The following BRINP1 variants were observed in gnomAD, a reference collection of about 807,000 sequenced individuals.
BRINP1 encodes the protein BMP/retinoic acid inducible neural specific 1, also known as BMP/retinoic acid-inducible neural-specific protein 1.
Under a neutral mutation model 72.9 loss-of-function variants are expected in BRINP1, and 17 were observed. The observed-to-expected ratio is 0.23, with a 90% CI of 0.16 to 0.35. BRINP1 has a LOEUF of 0.35. BRINP1 is among the 10% of genes least tolerant of loss of function. The probability of loss-of-function intolerance (pLI) is 1.00; values close to 1 mark genes in which losing one functional copy is unlikely to be tolerated. For synonymous variants in BRINP1, 418 were observed against 378.5 expected (o/e 1.10, Z -1.21); for missense variants, 850 against 1,001.6 (o/e 0.85, Z 2.04).
chr9:119,354,667 C>T (rs1454808847), intron 1 of BRINP1, among the ~76,000 whole-genome samples: 5 of 151,700 alleles, frequency 3.3e-5, no homozygotes, highest in Non-Finnish European at 7.4e-5. Context: ...CAAGACCAGC[C>T]TGGGCAACAT....
intron 7 of BRINP1, among the ~76,000 whole-genome samples, chr9:119,171,133 A>G (rs921777532): frequency 4.0e-5 from 6 of 150,274 alleles, no homozygotes; most frequent in Non-Finnish European, 8.9e-5. Context: ...ACATAACACT[A>G]TTAACTTTAA....
Position 119,185,860 on chromosome 9 carries a change from G to A in BRINP1, c.1146-17636C>T, listed in dbSNP as rs185896033. The stretch of plus-strand genomic sequence containing the variant: ...CACTCCCGACCCTTTTATTCAACCT[G>A]CTACTGCACTGTGACATTTTGAAAG... On this transcript the variant is annotated intron_variant, in intron 7 of 7. Coordinates refer to ENST00000265922, the MANE Select transcript of BRINP1 (RefSeq NM_014618.3). Among the ~76,000 whole-genome samples the A allele has an allele frequency of 1.6e-3, 251 of 152,296 alleles. 3 individuals carry two copies. The highest frequency in any genetic ancestry group is 2.9e-3 in the Non-Finnish European group (199 of 68,026).
At chr9:119,244,725 A>T (rs1051711379) in intron 3 of BRINP1, among the ~76,000 whole-genome samples, 4 of 152,194 alleles carry the variant, frequency 2.6e-5, no homozygotes, top group African/African-American at 9.6e-5. Context: ...TTGCTGCATT[A>T]TTAAGGCTTA....
chr9:119,218,746 AT>A (rs10685419), intron 5 of BRINP1, among the ~76,000 whole-genome samples: 51,189 of 133,234 alleles, frequency 0.38, 11,130 homozygotes, highest in East Asian at 0.63. Context: ...AAACTCAGGG[AT>A]TTTTTTTTTT....
chr9:119,257,335 A>C (rs1230250080), intron 2 of BRINP1, among the ~76,000 whole-genome samples: 1 of 152,222 alleles, frequency 6.6e-6, no homozygotes, highest in Non-Finnish European at 1.5e-5. Flanking sequence ...CATATAATGA[A>C]GCACTATTCA....
At chr9:119,191,259 A>G (rs1829680755) in intron 7 of BRINP1, among the ~76,000 whole-genome samples, 1 of 151,994 alleles carries the variant, frequency 6.6e-6, no homozygotes, top group African/African-American at 2.4e-5. Flanking sequence ...CTTCTATTCA[A>G]TACAGTACTG....
intron 2 of BRINP1, among the ~76,000 whole-genome samples, chr9:119,312,427 C>G (rs1831077450): frequency 6.6e-6 from 1 of 152,030 alleles, no homozygotes; most frequent in Non-Finnish European, 1.5e-5. Context: ...ACTCTGATTC[C>G]AAATGATTTT....
At chr9:119,295,745 G>A (rs1830869949) in intron 2 of BRINP1, among the ~76,000 whole-genome samples, 1 of 152,150 alleles carries the variant, frequency 6.6e-6, no homozygotes, top group Non-Finnish European at 1.5e-5. Flanking sequence ...GGCATGTATT[G>A]TCAATTCGTC....
intron 1 of BRINP1, among the ~76,000 whole-genome samples, chr9:119,339,612 T>C (rs140142383): frequency 6.6e-6 from 1 of 152,320 alleles, no homozygotes; most frequent in African/African-American, 2.4e-5. Flanking sequence ...ATGGATTTCA[T>C]CACTTATCCC....
chr9:119,239,883 G>C (rs1175667265), intron 4 of BRINP1, among the ~76,000 whole-genome samples: 3 of 152,026 alleles, frequency 2.0e-5, no homozygotes, highest in African/African-American at 7.2e-5. Context: ...TATTGAGAGA[G>C]AGTAAAACTT....
chr9:119,306,288 A>G (rs182400295), intron 2 of BRINP1, among the ~76,000 whole-genome samples: 1 of 152,348 alleles, frequency 6.6e-6, no homozygotes, highest in Non-Finnish European at 1.5e-5. Flanking sequence ...TTGGAAGATC[A>G]ATTTTAAATA....
chr9:119,286,255 C>T (rs1372040246), intron 2 of BRINP1, among the ~76,000 whole-genome samples: 11 of 148,994 alleles, frequency 7.4e-5, no homozygotes, highest in African/African-American at 2.2e-4. Flanking sequence ...TTTTTTGAGA[C>T]GGAGTCTTGC....
At chr9:119,356,788 G>C (rs1831571743) in intron 1 of BRINP1, among the ~76,000 whole-genome samples, 2 of 148,046 alleles carry the variant, frequency 1.4e-5, no homozygotes, top group African/African-American at 2.5e-5. Flanking sequence ...CTGGGCAACA[G>C]AGTGAGGCTC....
intron 1 of BRINP1, among the ~76,000 whole-genome samples, chr9:119,323,298 C>A (rs994252873): frequency 6.6e-6 from 1 of 152,192 alleles, no homozygotes; most frequent in Non-Finnish European, 1.5e-5. Flanking sequence ...AGAGAGAAAT[C>A]TAAAGAGAGG....
At chr9:119,316,328 T>A (rs539745211) in intron 1 of BRINP1, among the ~76,000 whole-genome samples, 51 of 152,334 alleles carry the variant, frequency 3.3e-4, no homozygotes, top group African/African-American at 1.1e-3. Context: ...CCTCAAGTGA[T>A]CTGCCCGCCT....
intron 1 of BRINP1, among the ~76,000 whole-genome samples, chr9:119,328,737 A>G (rs17634284): frequency 0.079 from 12,016 of 152,226 alleles, 632 homozygotes; most frequent in Non-Finnish European, 0.1. Context: ...GGAGCAAAGG[A>G]AGGAAGAAGT....
rs536914654 is a variant in BRINP1 at position 119,344,014 on chromosome 9, C to A, written c.-51+25042G>T. Reference sequence around the variant, plus strand: ...TCAATCACAACCCTTTTAGTTGCTCCTTCCTCCAGAGCCCCTACAGCATGT... The same window carrying A: ...TCAATCACAACCCTTTTAGTTGCTCATTCCTCCAGAGCCCCTACAGCATGT... On this transcript the variant is annotated intron_variant, in intron 1 of 7. Transcript: ENST00000265922. 1.5e-3 allele frequency among the ~76,000 whole-genome samples: 229 copies of A among 152,308 alleles called. 2 individuals are homozygous for A. The highest frequency in any genetic ancestry group is 5.3e-3 in the African/African-American group (221 of 41,578).
At position 119,179,856 on chromosome 9, in the gene BRINP1, G is replaced by GC. The variant is rs530085283; in HGVS notation, c.1146-11633dup. 1.3e-4 allele frequency among the ~76,000 whole-genome samples: 20 copies of GC among 152,270 alleles called. No individual in the cohort carries two copies. The South Asian group carries it at 3.9e-3, about 30-fold the overall frequency. ...TCTGGACCATGTTAACACCTCAGCT[G>GC]CCCCCCTGCAGGTTCTGTCTTTGCC... On this transcript the variant is annotated intron_variant, in intron 7 of 7. Coordinates refer to ENST00000265922, the MANE Select transcript of BRINP1 (RefSeq NM_014618.3).
intron 2 of BRINP1, 135 bp downstream of exon 2, chr9:119,313,003 A>T: frequency 9.8e-7 from 1 of 1,018,750 alleles, no homozygotes; most frequent in Non-Finnish European, 1.4e-6. Context: ...AAAATTAATC[A>T]AAAACAGCTT....
Sources: gnomAD v4.1 joint callset for allele counts (sites outside exome capture counted in the v4.1 genomes callset) on GRCh38, gnomAD v4.1.1 for gene constraint, MANE v1.5 for transcripts, NCBI Gene and HGNC (gene_info 2026-07-23, HGNC 2026-07-21) for gene names.